The following GRID2 variants were observed in gnomAD, a reference collection of about 807,000 sequenced individuals.
The protein encoded by GRID2 is glutamate receptor ionotropic, delta-2.
A neutral mutation model predicts 114.8 loss-of-function variants in GRID2; 33 were observed. That is an observed-to-expected ratio of 0.29 (90% CI 0.22 to 0.38). GRID2 has a LOEUF of 0.38. GRID2 is among the 10% of genes least tolerant of loss of function. The probability of loss-of-function intolerance (pLI) is 1.00; values close to 1 mark genes in which losing one functional copy is unlikely to be tolerated. For missense variants in GRID2, 1,184 were observed against 1,257.7 expected, an observed-to-expected ratio of 0.94 and a Z score of 0.89; for synonymous variants, 505 against 449.9, an observed-to-expected ratio of 1.12 and a Z score of -1.55.
At chr4:92,986,526 C>A (rs540159814) in intron 2 of GRID2, among the ~76,000 whole-genome samples, 1 of 152,230 alleles carries the variant, frequency 6.6e-6, no homozygotes, top group South Asian at 2.1e-4. Context: ...GTTACTTCCT[C>A]CCAACCCTAG....
intron 1 of GRID2, among the ~76,000 whole-genome samples, chr4:92,380,601 G>A (rs1466436785): frequency 6.6e-6 from 1 of 151,864 alleles, no homozygotes; most frequent in Non-Finnish European, 1.5e-5. Flanking sequence ...AGTATTTCTG[G>A]ACAAAAATAT....
intron 1 of GRID2, among the ~76,000 whole-genome samples, chr4:92,444,464 C>T (rs1483594684): frequency 2.0e-5 from 3 of 152,102 alleles, no homozygotes; most frequent in East Asian, 1.9e-4. Flanking sequence ...AAAGGACTTT[C>T]ACAAGGTAAT....
chr4:93,035,588 A>G (rs1724862809), intron 2 of GRID2, among the ~76,000 whole-genome samples: 1 of 152,156 alleles, frequency 6.6e-6, no homozygotes, highest in African/African-American at 2.4e-5. Context: ...TCACAAGGCC[A>G]TAATGAAGAT....
At chr4:93,156,834 A>G (rs573331606) in intron 4 of GRID2, among the ~76,000 whole-genome samples, 16 of 151,808 alleles carry the variant, frequency 1.1e-4, no homozygotes, top group African/African-American at 3.4e-4. Flanking sequence ...TGGTTTTTAA[A>G]GGACTAACTG....
intron 2 of GRID2, among the ~76,000 whole-genome samples, chr4:92,792,902 T>G (rs1739663119): frequency 6.6e-6 from 1 of 151,606 alleles, no homozygotes; most frequent in Non-Finnish European, 1.5e-5. Flanking sequence ...CATTTTTTTT[T>G]TTTTTTTGTC....
At chr4:92,526,317 A>C (rs1725039789) in intron 1 of GRID2, among the ~76,000 whole-genome samples, 1 of 152,036 alleles carries the variant, frequency 6.6e-6, no homozygotes. Flanking sequence ...TGGCATTAAA[A>C]ACCAAAAATT....
At chr4:92,672,498 AT>A (rs1579812722) in intron 2 of GRID2, among the ~76,000 whole-genome samples, 1 of 152,076 alleles carries the variant, frequency 6.6e-6, no homozygotes, top group East Asian at 1.9e-4. Flanking sequence ...GTACTTCTAC[AT>A]TTAAAGTGAA....
intron 2 of GRID2, among the ~76,000 whole-genome samples, chr4:92,880,408 AT>A (rs754370517): frequency 6.6e-6 from 1 of 152,062 alleles, no homozygotes; most frequent in South Asian, 2.1e-4. Context: ...CAGTGAACAA[AT>A]TTTTTTCCAC....
chr4:93,682,891 C>G (rs940845974), intron 14 of GRID2, among the ~76,000 whole-genome samples: 3 of 151,004 alleles, frequency 2.0e-5, no homozygotes, highest in Non-Finnish European at 4.4e-5. Context: ...TGTAACTAAC[C>G]TGCACATTGT....
rs1293337971 is a variant in GRID2 at position 92,385,484 on chromosome 4, C to T, written c.88+80740C>T. On this transcript the variant is annotated intron_variant, in intron 1 of 15. Coordinates refer to ENST00000282020, the MANE Select transcript of GRID2 (RefSeq NM_001510.4). ...TATAGTCTAAGGTAAGGAAATCAAACCATTTTTTTTTTCCTACAACCATGT... is the reference window on the plus strand; with the variant it reads ...TATAGTCTAAGGTAAGGAAATCAAATCATTTTTTTTTTCCTACAACCATGT... Among the ~76,000 whole-genome samples, 4 of 151,642 alleles carry T rather than the reference C, an allele frequency of 2.6e-5. No individual in the cohort carries two copies. The East Asian group carries it at 7.7e-4, about 29-fold the overall frequency.
chr4:93,153,879 T>C (rs1736941114), intron 4 of GRID2, among the ~76,000 whole-genome samples: 1 of 152,108 alleles, frequency 6.6e-6, no homozygotes. Context: ...AGATCTACCT[T>C]CTTAACAGAT....
At chr4:92,370,533 C>T (rs575034955) in intron 1 of GRID2, among the ~76,000 whole-genome samples, 106 of 152,106 alleles carry the variant, frequency 7.0e-4, no homozygotes, top group African/African-American at 2.5e-3. Context: ...GCCTGTAGAC[C>T]CAGCTACTCA....
chr4:93,398,133 G>GTGTGTGTGTATGTGTATATATATATA lies in GRID2; in HGVS notation c.1347+2426_1347+2427insGTGTGTGTATGTGTATATATATATAT. On this transcript the variant is annotated intron_variant, in intron 9 of 15. Coordinates refer to ENST00000282020, the MANE Select transcript of GRID2 (RefSeq NM_001510.4). Reference sequence around the variant, plus strand: ...GAAATACATACATGTATGTGTGTGTGTATATATATATATATATATCTTATC... The same window carrying GTGTGTGTGTATGTGTATATATATATA: ...GAAATACATACATGTATGTGTGTGTGTGTGTGTGTATGTGTATATATATATATATATATATATATATATATCTTATC... 5.7e-5 allele frequency among the ~76,000 whole-genome samples: 7 copies of GTGTGTGTGTATGTGTATATATATATA among 122,336 alleles called. 1 individual carries two copies. Among genetic ancestry groups the GTGTGTGTGTATGTGTATATATATATA allele is most frequent in the African/African-American group, 2.7e-4 (7 of 25,862 alleles). 80.3% of individuals were successfully genotyped at this position (122,336 alleles called of 152,430 possible).
chr4:93,094,901 A>G (rs1457430686), intron 3 of GRID2, among the ~76,000 whole-genome samples: 1 of 152,054 alleles, frequency 6.6e-6, no homozygotes, highest in African/African-American at 2.4e-5. Context: ...TTAATTAATT[A>G]ATTAATCAAG....
chr4:93,023,127 A>G (rs867243893), intron 2 of GRID2, among the ~76,000 whole-genome samples: 43 of 131,124 alleles, frequency 3.3e-4, no homozygotes, highest in South Asian at 1.2e-3. Flanking sequence ...GTGTGTGTGT[A>G]TGTATGTGTG....
At chr4:92,737,752 T>A (rs1736668463) in intron 2 of GRID2, among the ~76,000 whole-genome samples, 1 of 152,176 alleles carries the variant, frequency 6.6e-6, no homozygotes, top group South Asian at 2.1e-4. Context: ...AATAGGGTAT[T>A]CTCAATATTT....
Position 92,973,123 on chromosome 4 carries a change from A to G in GRID2, c.245-111872A>G, listed in dbSNP as rs114143729. Among the ~76,000 whole-genome samples, 762 of 152,166 alleles carry G rather than the reference A, an allele frequency of 5.0e-3. 1 individual carries two copies. The highest frequency in any genetic ancestry group is 0.018 in the African/African-American group (728 of 41,528). The stretch of plus-strand genomic sequence containing the variant: ...ATTTATATTCCTTTGCACATGTGCC[A>G]AGTAATGGGATTGCTGGGTCAAATG... On this transcript the variant is annotated intron_variant, in intron 2 of 15. Coordinates refer to ENST00000282020, the MANE Select transcript of GRID2 (RefSeq NM_001510.4).
chr4:93,354,531 A>G (rs1188707713), intron 8 of GRID2, among the ~76,000 whole-genome samples: 2 of 151,794 alleles, frequency 1.3e-5, no homozygotes, highest in African/African-American at 4.8e-5. Context: ...TACATTACCA[A>G]TCCCTGTATC....
intron 2 of GRID2, among the ~76,000 whole-genome samples, chr4:93,080,050 A>G (rs569624721): frequency 1.3e-5 from 2 of 152,244 alleles, no homozygotes; most frequent in East Asian, 1.9e-4. Flanking sequence ...ATTTCTGGCA[A>G]ACTACATTGA....
Sources: gnomAD v4.1 joint callset for allele counts (sites outside exome capture counted in the v4.1 genomes callset) on GRCh38, gnomAD v4.1.1 for gene constraint, MANE v1.5 for transcripts, NCBI Gene and HGNC (gene_info 2026-07-23, HGNC 2026-07-21) for gene names.